Variants in PCSK5 observed in about 807,000 individuals in gnomAD.
The protein encoded by PCSK5 is prohormone convertase 5.
PCSK5 carries 129 observed loss-of-function variants against 233.2 expected under a neutral mutation model. The ratio of observed to expected loss-of-function variants is 0.55; its 90% CI spans 0.48 to 0.64. The LOEUF (loss-of-function observed/expected upper bound fraction) is 0.64. PCSK5 is among the 30% of genes least tolerant of loss of function. The pLI is 0.00. For missense variants in PCSK5, 2,076 were observed against 2,430.1 expected (o/e 0.85, Z 3.06); for synonymous variants, 825 against 879.2 (o/e 0.94, Z 1.09).
chr9:76,102,950 A>G (rs1831825138), intron 8 of PCSK5, among the ~76,000 whole-genome samples: 1 of 152,200 alleles, frequency 6.6e-6, no homozygotes, highest in African/African-American at 2.4e-5. Flanking sequence ...ATGTAACATG[A>G]GATTCTTCTT....
intron 1 of PCSK5, among the ~76,000 whole-genome samples, chr9:75,914,463 T>A (rs987029065): frequency 1.3e-5 from 2 of 152,162 alleles, no homozygotes; most frequent in Non-Finnish European, 2.9e-5. Flanking sequence ...TCCTAAAATA[T>A]AAATGACCTT....
At chr9:76,087,486 T>G (rs988229321) in intron 7 of PCSK5, among the ~76,000 whole-genome samples, 2 of 152,198 alleles carry the variant, frequency 1.3e-5, no homozygotes, top group African/African-American at 2.4e-5. Flanking sequence ...CTAAATTCAG[T>G]GCAACGTGCT....
At position 76,338,431 on chromosome 9, in the gene PCSK5, TTG is replaced by T. The variant is rs754501027; in HGVS notation, c.4953_4954del (p.Cys1651Ter). On this transcript the variant is annotated frameshift_variant, in exon 35 of 38. Transcript: ENST00000674117. LOFTEE classifies it high-confidence loss of function. ...TQTCERCHPT[C>X]DQCKGKGALN... ...AGACCTGTGAGAGATGCCATCCGAC[TTG>T]TGATCAATGCAAAGGTGAGAGTCTA... The T allele has an allele frequency of 3.9e-5, 63 of 1,610,600 alleles. No individual in the cohort carries two copies. In the East Asian group the frequency reaches 4.2e-4, roughly 11 times the overall value.
intron 10 of PCSK5, among the ~76,000 whole-genome samples, chr9:76,150,344 A>G (rs1433300759): frequency 6.6e-6 from 1 of 152,126 alleles, no homozygotes; most frequent in Non-Finnish European, 1.5e-5. Context: ...AATAAAAACA[A>G]ACCAGGCAGC....
intron 7 of PCSK5, among the ~76,000 whole-genome samples, chr9:76,095,574 C>T (rs1356385448): frequency 3.3e-5 from 5 of 152,138 alleles, no homozygotes; most frequent in Non-Finnish European, 5.9e-5. Context: ...CACAGCATAA[C>T]GGGGACAGGA....
chr9:76,164,456 G>A (rs1823011307), intron 12 of PCSK5, among the ~76,000 whole-genome samples: 1 of 152,200 alleles, frequency 6.6e-6, no homozygotes, highest in South Asian at 2.1e-4. Flanking sequence ...ACTTAGCACA[G>A]TGCCTAGCAT....
chr9:76,129,088 A>T lies in PCSK5; in HGVS notation c.1209-5021A>T, dbSNP rs544422284. On this transcript the variant is annotated intron_variant, in intron 9 of 37. Coordinates refer to ENST00000674117, the MANE Select transcript of PCSK5 (RefSeq NM_001372043.1). ...CCACTTTCATACACTAGCTGCAATCAGAGTAATGTTTTTACCTATCTCAGC... is the reference window on the plus strand; with the variant it reads ...CCACTTTCATACACTAGCTGCAATCTGAGTAATGTTTTTACCTATCTCAGC... Among the ~76,000 whole-genome samples, 4 of 152,302 alleles carry T rather than the reference A, an allele frequency of 2.6e-5. No individual in the cohort carries two copies. The South Asian group carries it at 6.2e-4, about 24-fold the overall frequency.
chr9:76,193,469 GCT>G (rs1252032855), intron 20 of PCSK5: 2 of 763,668 alleles, frequency 2.6e-6, no homozygotes, highest in East Asian at 5.7e-5. Flanking sequence ...TTCTTTTCTT[GCT>G]CTCTTTTTCT....
chr9:75,893,896 TAA>T (rs1825708952), intron 1 of PCSK5, among the ~76,000 whole-genome samples: 1 of 152,184 alleles, frequency 6.6e-6, no homozygotes, highest in South Asian at 2.1e-4. Context: ...AAGCCTATGC[TAA>T]GTCTTTGGGG....
intron 2 of PCSK5, among the ~76,000 whole-genome samples, chr9:75,948,909 A>T (rs1587405524): frequency 6.6e-6 from 1 of 152,068 alleles, no homozygotes; most frequent in African/African-American, 2.4e-5. Context: ...TGAGCTAGAC[A>T]TCAGATATAA....
rs946869201 is a variant in PCSK5, at chr9:76,175,485, T to C, written c.1900+356T>C. The C allele has an allele frequency of 3.2e-5, 12 of 373,762 alleles. No homozygotes were observed. The East Asian group carries it at 4.7e-4, about 15-fold the overall frequency. The allele number at this position is 373,762 out of a possible 1,614,324, so 23.2% of individuals were successfully genotyped here. A position where few individuals can be genotyped will look rare whatever the true frequency, so the allele number is the denominator to read the frequency against. Reference sequence around the variant, plus strand: ...CGATTGTACCATAATATAGTTAATCTGTAATCTGGGACATATTGTTCGCTT... The same window carrying C: ...CGATTGTACCATAATATAGTTAATCCGTAATCTGGGACATATTGTTCGCTT... On this transcript the variant is annotated intron_variant, in intron 14 of 37. Transcript: ENST00000674117.
At chr9:75,903,378 T>A (rs1276458931) in intron 1 of PCSK5, among the ~76,000 whole-genome samples, 2 of 151,758 alleles carry the variant, frequency 1.3e-5, no homozygotes, top group African/African-American at 4.8e-5. Context: ...ATTTTAATTT[T>A]CTATACATTA....
At chr9:75,987,333 T>C (rs1826559418) in intron 3 of PCSK5, among the ~76,000 whole-genome samples, 1 of 152,156 alleles carries the variant, frequency 6.6e-6, no homozygotes, top group East Asian at 1.9e-4. Flanking sequence ...TCTTGGACCC[T>C]CTCCCTGCTG....
intron 35 of PCSK5, among the ~76,000 whole-genome samples, chr9:76,349,804 G>T (rs2260166): frequency 0.86 from 131,277 of 152,242 alleles, 56,743 homozygotes; most frequent in South Asian, 0.9. Flanking sequence ...TTAGGTCTCC[G>T]GTCCCCAAAC....
intron 2 of PCSK5, among the ~76,000 whole-genome samples, chr9:75,952,123 A>C (rs1226387168): frequency 1.3e-5 from 2 of 152,154 alleles, no homozygotes; most frequent in African/African-American, 4.8e-5. Flanking sequence ...TAATCCAGCT[A>C]ATTTTTTGAT....
chr9:76,285,777 C>G (rs1319292423), intron 24 of PCSK5, among the ~76,000 whole-genome samples: 1 of 151,380 alleles, frequency 6.6e-6, no homozygotes, highest in Non-Finnish European at 1.5e-5. Context: ...TTCTGTCTCC[C>G]CCAAAAGAAA....
intron 24 of PCSK5, among the ~76,000 whole-genome samples, chr9:76,271,197 A>G (rs986639786): frequency 3.3e-5 from 5 of 152,196 alleles, no homozygotes; most frequent in African/African-American, 1.2e-4. Context: ...AATGAGCATT[A>G]AGGGAGAAAG....
At chr9:75,932,567 A>G in intron 2 of PCSK5, 84 bp downstream of exon 2, 3 of 804,454 alleles carry the variant, frequency 3.7e-6, no homozygotes, top group Non-Finnish European at 6.5e-6. Context: ...GCTGAGGACC[A>G]GCATGAAGGC....
intron 33 of PCSK5, among the ~76,000 whole-genome samples, chr9:76,329,603 G>A (rs560202888): frequency 3.3e-5 from 5 of 152,244 alleles, no homozygotes; most frequent in Admixed American, 6.5e-5. Context: ...GGGAGGCTGA[G>A]GTGGGCAGAT....
Sources: allele counts gnomAD v4.1 joint callset (sites outside exome capture counted in the v4.1 genomes callset), GRCh38; gene constraint gnomAD v4.1.1; transcripts MANE v1.5; gene names NCBI Gene and HGNC (gene_info 2026-07-23, HGNC 2026-07-21).